Variants in HFM1 observed in about 807,000 individuals in gnomAD.
HFM1 encodes the protein probable ATP-dependent DNA helicase HFM1.
Under a neutral mutation model 192.1 loss-of-function variants are expected in HFM1, and 169 were observed. The observed-to-expected ratio is 0.88, with a 90% CI of 0.78 to 1.00. The LOEUF (loss-of-function observed/expected upper bound fraction) is 1.00. HFM1 is among the 50% of genes least tolerant of loss of function. The pLI is 0.00. For synonymous variants in HFM1, 525 were observed against 537.8 expected (o/e 0.98, Z 0.33); for missense variants, 1,661 against 1,668.0 (o/e 1.00, Z 0.07).
intron 30 of HFM1, among the ~76,000 whole-genome samples, chr1:91,286,955 G>C (rs1025730008): frequency 6.6e-6 from 1 of 152,208 alleles, no homozygotes; most frequent in African/African-American, 2.4e-5. Flanking sequence ...TTTCCGACGG[G>C]CTTAAAAAAC....
At chr1:91,325,546 A>G (rs1652775998) in intron 20 of HFM1, among the ~76,000 whole-genome samples, 1 of 152,230 alleles carries the variant, frequency 6.6e-6, no homozygotes, top group Admixed American at 6.5e-5. Flanking sequence ...CATCTTATCC[A>G]TGAACACCAA....
rs1188790836 is a variant in HFM1, at chr1:91,353,286, C to T, written c.1699G>A (p.Ala567Thr). ...VEQKQRLQKY[A>T]YSVRDSKLRD... ...AGTTTTGAATCTCTTACGGAATATGCATACTTCTGTAACCTATTTAAAAAT... is the reference window on the plus strand; with the variant it reads ...AGTTTTGAATCTCTTACGGAATATGTATACTTCTGTAACCTATTTAAAAAT... Residue 567 changes from alanine to threonine, a missense_variant, in exon 14 of 39, where the codon GCA (alanine) becomes ACA (threonine). Physicochemically the swap from Ala to Thr is moderately conservative, Grantham distance 58 (BLOSUM62 0). Coordinates refer to ENST00000370425, the MANE Select transcript of HFM1 (RefSeq NM_001017975.6). The T allele has an allele frequency of 6.4e-7, 1 of 1,566,328 alleles. No homozygotes were observed. Among genetic ancestry groups the T allele is most frequent in the Non-Finnish European group, 8.8e-7 (1 of 1,139,472 alleles).
At chr1:91,370,456 A>C (rs1438500849) in intron 13 of HFM1, among the ~76,000 whole-genome samples, 1 of 152,220 alleles carries the variant, frequency 6.6e-6, no homozygotes, top group Non-Finnish European at 1.5e-5. Flanking sequence ...CAATACACGT[A>C]ATCCAGCATA....
intron 20 of HFM1, among the ~76,000 whole-genome samples, chr1:91,330,328 C>T (rs1381810141): frequency 1.3e-5 from 2 of 152,102 alleles, no homozygotes; most frequent in East Asian, 3.9e-4. Context: ...GGCATTACAA[C>T]TGATACCATA....
chr1:91,374,035 C>T (rs545134792), intron 13 of HFM1, among the ~76,000 whole-genome samples: 121 of 152,116 alleles, frequency 8.0e-4, no homozygotes, highest in African/African-American at 2.8e-3. Flanking sequence ...AAAGTAAATA[C>T]AGGGAAACTG....
intron 13 of HFM1, among the ~76,000 whole-genome samples, chr1:91,353,525 A>G (rs554108965): frequency 6.6e-6 from 1 of 151,748 alleles, no homozygotes; most frequent in South Asian, 2.1e-4. Flanking sequence ...TGGAAAACTC[A>G]CTTTCCCCAA....
At position 91,316,098 on chromosome 1, in the gene HFM1, T is replaced by C. The variant is rs762522650; in HGVS notation, c.2982+3A>G. ...AAATATCTAAGAAACAGAAAATATTTACCTGTTCCACTTTAAGTTCATATT... is the reference window on the plus strand; with the variant it reads ...AAATATCTAAGAAACAGAAAATATTCACCTGTTCCACTTTAAGTTCATATT... On this transcript the variant is annotated splice_donor_region_variant and intron_variant, in intron 27 of 38. Coordinates refer to ENST00000370425, the MANE Select transcript of HFM1 (RefSeq NM_001017975.6). 1 of 1,554,726 alleles carries C rather than the reference T, an allele frequency of 6.4e-7. No homozygotes were observed.
At chr1:91,343,138 GGAGAATGGCAT>G (rs1314549511) in intron 20 of HFM1, among the ~76,000 whole-genome samples, 1 of 145,816 alleles carries the variant, frequency 6.9e-6, no homozygotes, top group Non-Finnish European at 1.5e-5. Flanking sequence ...GGCTGAGGCA[GGAGAATGGCAT>G]GAACCCGGGA....
chr1:91,319,366 G>C lies in HFM1; in HGVS notation c.2607C>G (p.Cys869Trp). ...VNCLIQAQLG[C>W]IPIQDFALTQ... is the part of the protein sequence containing the mutation. ...TCAAAGCAAAATCTTGTATGGGAAT[G>C]CATCCTAGTTGAGCCTGAATAAGAC... Residue 869 changes from cysteine to tryptophan, a missense_variant, in exon 24 of 39, where the codon TGC becomes TGG. By Grantham distance (215) the Cys-to-Trp change is radical. Coordinates refer to ENST00000370425, the MANE Select transcript of HFM1 (RefSeq NM_001017975.6). 6.2e-7 allele frequency: 1 copy of C among 1,611,812 alleles called. No individual in the cohort carries two copies. The highest frequency in any genetic ancestry group is 8.5e-7 in the Non-Finnish European group (1 of 1,178,058).
At chr1:91,309,933 TA>T (rs1223459257) in intron 30 of HFM1, among the ~76,000 whole-genome samples, 20 of 150,498 alleles carry the variant, frequency 1.3e-4, no homozygotes, top group African/African-American at 4.4e-4. Context: ...TACTATCATT[TA>T]AAAAAAAAGG....
Position 91,323,095 on chromosome 1 carries a change from G to A in HFM1, c.2532C>T (p.Ile844=). The change falls in exon 22 of 39, where the codon ATC becomes ATT. Residue 844 remains isoleucine (I), a splice_region_variant and synonymous_variant. Transcript: ENST00000370425. The stretch of plus-strand genomic sequence containing the variant: ...TAAAACATATGTAATTTCTGTACCT[G>A]ATAGTTATCCGATTTGGATCTTTGT... ...TLNKDPNRIT[I]RFPMEGRIKT... The A allele has an allele frequency of 6.6e-7, 1 of 1,509,128 alleles. No homozygotes were observed. The highest frequency in any genetic ancestry group is 2.3e-5 in the East Asian group (1 of 43,684). 93.5% of individuals were successfully genotyped at this position (1,509,128 alleles called of 1,614,324 possible).
At chr1:91,307,382 AT>A (rs1422764533) in intron 30 of HFM1, among the ~76,000 whole-genome samples, 3 of 151,972 alleles carry the variant, frequency 2.0e-5, no homozygotes, top group African/African-American at 7.3e-5. Context: ...ACTCTTCTTC[AT>A]TCCCCCCAGC....
At chr1:91,371,080 G>T (rs282044) in intron 13 of HFM1, among the ~76,000 whole-genome samples, 150,341 of 150,548 alleles carry the variant, frequency 1, 75,067 homozygotes, top group East Asian at 1. Flanking sequence ...CACTGCTCAA[G>T]GAAATAAAAG....
chr1:91,262,921 C>T (rs1393898379), intron 36 of HFM1, among the ~76,000 whole-genome samples: 1 of 152,102 alleles, frequency 6.6e-6, no homozygotes, highest in Admixed American at 6.5e-5. Context: ...ACTTGCTTAA[C>T]TTTTAATCTC....
At chr1:91,290,600 T>C (rs1342034738) in intron 30 of HFM1, among the ~76,000 whole-genome samples, 1 of 152,082 alleles carries the variant, frequency 6.6e-6, no homozygotes, top group Non-Finnish European at 1.5e-5. Context: ...ACATTAATAA[T>C]AGGAGACTTT....
chr1:91,386,339 A>G (rs952553635), intron 4 of HFM1, among the ~76,000 whole-genome samples: 3 of 152,194 alleles, frequency 2.0e-5, no homozygotes, highest in Admixed American at 6.5e-5. Flanking sequence ...ACCAGCACTG[A>G]CTTTTCAGTC....
At chr1:91,283,353 C>A (rs1667633533) in intron 30 of HFM1, among the ~76,000 whole-genome samples, 1 of 152,160 alleles carries the variant, frequency 6.6e-6, no homozygotes, top group Non-Finnish European at 1.5e-5. Flanking sequence ...AAGTGATCCT[C>A]CCAACTCAGC....
chr1:91,332,980 G>C (rs541210231), intron 20 of HFM1, among the ~76,000 whole-genome samples: 1 of 152,284 alleles, frequency 6.6e-6, no homozygotes, highest in African/African-American at 2.4e-5. Context: ...GAAGAAAAGG[G>C]AACCCCTGTA....
At chr1:91,284,310 C>T (rs1326260622) in intron 30 of HFM1, among the ~76,000 whole-genome samples, 1 of 151,736 alleles carries the variant, frequency 6.6e-6, no homozygotes, top group Non-Finnish European at 1.5e-5. Flanking sequence ...GTGGTGCAAT[C>T]TCAACTCACT....
Sources: gnomAD v4.1 joint callset for allele counts (sites outside exome capture counted in the v4.1 genomes callset) on GRCh38, gnomAD v4.1.1 for gene constraint, MANE v1.5 for transcripts, NCBI Gene and HGNC (gene_info 2026-07-23, HGNC 2026-07-21) for gene names.